DUSP5: variants seen among roughly 807,000 people sequenced by gnomAD.
The protein encoded by DUSP5 is dual specificity protein phosphatase 5.
In DUSP5, 22 loss-of-function variants were observed where a neutral mutation model predicts 33.6. The ratio of observed to expected loss-of-function variants is 0.66; its 90% confidence interval spans 0.47 to 0.94. The LOEUF (loss-of-function observed/expected upper bound fraction) is 0.94, where lower values mean the gene tolerates loss of function less well. Among genes scored for constraint, DUSP5 ranks in the 40% least tolerant of loss-of-function variants. The probability of loss-of-function intolerance (pLI) is 0.00; values close to 1 mark genes in which losing one functional copy is unlikely to be tolerated. For missense variants in DUSP5, 551 were observed against 522.1 expected (o/e 1.06, Z -0.54); for synonymous variants, 270 against 231.1 (o/e 1.17, Z -1.53).
At chr10:110,505,430 T>C (rs1467721427) in intron 2 of DUSP5, among the ~76,000 whole-genome samples, 1 of 152,258 alleles carries the variant, frequency 6.6e-6, no homozygotes, top group Non-Finnish European at 1.5e-5. Flanking sequence ...ATACCAGTTG[T>C]TATTACCGTA....
intron 1 of DUSP5, among the ~76,000 whole-genome samples, chr10:110,499,526 G>GACAC (rs922904271): frequency 1.3e-5 from 2 of 152,030 alleles, no homozygotes; most frequent in Non-Finnish European, 2.9e-5. Flanking sequence ...TTGGGGATCA[G>GACAC]AGCTCGGTGC....
rs1860130272 is a variant in DUSP5, at chr10:110,507,224, C to T, written c.748+70C>T. 21 of 1,470,722 alleles carry T rather than the reference C, an allele frequency of 1.4e-5. No individual in the cohort carries two copies. In the South Asian group the frequency reaches 2.4e-4, roughly 17 times the overall value. 91.1% of individuals were successfully genotyped at this position (1,470,722 alleles called of 1,614,324 possible). A position where few individuals can be genotyped will look rare whatever the true frequency, so the allele number is the denominator to read the frequency against. On this transcript the variant is annotated intron_variant, in intron 3 of 3. Transcript: ENST00000369583. Reference sequence around the variant, plus strand: ...GGGCATGTGTTCTTGACTTTTGATGCCCTGATGGAAGCTACCTTCACTGAA... The same window carrying T: ...GGGCATGTGTTCTTGACTTTTGATGTCCTGATGGAAGCTACCTTCACTGAA...
intron 2 of DUSP5, among the ~76,000 whole-genome samples, chr10:110,504,554 G>A (rs950842053): frequency 8.5e-5 from 13 of 152,238 alleles, no homozygotes; most frequent in African/African-American, 2.9e-4. Flanking sequence ...GAGCCTGTTA[G>A]TGTCCATTGG....
intron 1 of DUSP5, 21 bp downstream of exon 1, chr10:110,498,521 C>A: frequency 1.4e-6 from 2 of 1,457,442 alleles, no homozygotes; most frequent in East Asian, 2.8e-5. Flanking sequence ...GGGGTCCCTG[C>A]CACGCTCGCC....
chr10:110,499,981 T>C (rs1564772527), intron 1 of DUSP5, among the ~76,000 whole-genome samples: 1 of 152,158 alleles, frequency 6.6e-6, no homozygotes, highest in Non-Finnish European at 1.5e-5. Context: ...TCAGGAAAAC[T>C]GGGTTAAAAT....
chr10:110,498,370 C>T lies in DUSP5; in HGVS notation c.249C>T (p.Val83=), dbSNP rs1357011563. ...ARLLQEGGGG[V]AAVVVLDQGS... is the part of the protein sequence containing the mutation. ...TCCTGCAGGAGGGCGGCGGCGGCGT[C>T]GCGGCCGTGGTGGTGCTGGACCAGG... The change falls in exon 1 of 4, where the codon GTC becomes GTT. Residue 83 remains valine (V), a synonymous_variant. Coordinates refer to ENST00000369583, the MANE Select transcript of DUSP5 (RefSeq NM_004419.4). The T allele has an allele frequency of 3.5e-6, 5 of 1,412,400 alleles. No individual in the cohort carries two copies. Among genetic ancestry groups the T allele is most frequent in the Admixed American group, 2.8e-5 (1 of 35,190 alleles). The allele number at this position is 1,412,400 out of a possible 1,614,324, so 87.5% of individuals were successfully genotyped here.
chr10:110,500,722 C>G (rs898507065), intron 1 of DUSP5, among the ~76,000 whole-genome samples: 2 of 152,198 alleles, frequency 1.3e-5, no homozygotes, highest in African/African-American at 4.8e-5. Context: ...AAAGAAGTAG[C>G]TCTAAGAATT....
Position 110,498,470 on chromosome 10 carries a change from C to A in DUSP5, c.349C>A (p.Pro117Thr). Residue 117 changes from proline to threonine, a missense_variant, in exon 1 of 4, where the codon CCC becomes ACC. Pro to Thr is a conservative substitution (Grantham distance 38). Coordinates refer to ENST00000369583, the MANE Select transcript of DUSP5 (RefSeq NM_004419.4). ...VVLTSLLACLPAGPRVYFLKG... is the reference protein window; with the variant it reads ...VVLTSLLACLTAGPRVYFLKG... The stretch of plus-strand genomic sequence containing the variant: ...CCTCACCTCGCTACTCGCTTGCCTA[C>A]CCGCCGGCCCGCGGGTCTACTTCCT... 10 of 1,543,234 alleles carry A rather than the reference C, an allele frequency of 6.5e-6. No homozygotes were observed. Among genetic ancestry groups the A allele is most frequent in the Non-Finnish European group, 8.7e-6 (10 of 1,154,084 alleles).
At chr10:110,507,197 TG>T in intron 3 of DUSP5, 43 bp downstream of exon 3, 2 of 1,581,958 alleles carry the variant, frequency 1.3e-6, no homozygotes. Context: ...GGAGCCCCTT[TG>T]GGGCATGTGT....
At chr10:110,498,564 G>T in intron 1 of DUSP5, 64 bp downstream of exon 1, 2 of 1,368,508 alleles carry the variant, frequency 1.5e-6, no homozygotes, top group Non-Finnish European at 1.9e-6. Context: ...TCCCTGCGCC[G>T]GGGCGCCCTC....
chr10:110,507,609 C>G (rs991123103), intron 3 of DUSP5, among the ~76,000 whole-genome samples: 2 of 152,212 alleles, frequency 1.3e-5, no homozygotes, highest in African/African-American at 4.8e-5. Context: ...TCTTGGTGAA[C>G]GGCTTGGGGC....
At chr10:110,499,458 C>G (rs1860011464) in intron 1 of DUSP5, among the ~76,000 whole-genome samples, 1 of 152,218 alleles carries the variant, frequency 6.6e-6, no homozygotes, top group Non-Finnish European at 1.5e-5. Flanking sequence ...GGGTTTAGCC[C>G]CAGCAGGGCC....
rs549759462 is a variant in DUSP5 at position 110,498,516 on chromosome 10, C to A, written c.379+16C>A. 1.4e-6 allele frequency: 2 copies of A among 1,475,460 alleles called. No individual in the cohort carries two copies. Among genetic ancestry groups the A allele is most frequent in the Admixed American group, 4.8e-5 (2 of 42,022 alleles). 91.4% of individuals were successfully genotyped at this position (1,475,460 alleles called of 1,614,324 possible). On this transcript the variant is annotated intron_variant, in intron 1 of 3. Transcript: ENST00000369583. ...TTCCTCAAAGGTGAGCGCTCGGGGT[C>A]CCTGCCACGCTCGCCCCTCCGGCGC... is the stretch of plus-strand genomic sequence containing the variant.
At chr10:110,506,589 A>T (rs1033504880) in intron 2 of DUSP5, among the ~76,000 whole-genome samples, 25 of 152,334 alleles carry the variant, frequency 1.6e-4, no homozygotes, top group African/African-American at 5.1e-4. Flanking sequence ...CTGTAACTTC[A>T]ACACAGGCCT....
At position 110,498,039 on chromosome 10, in the gene DUSP5, C is replaced by CGGACACCCTGGCCGT. The variant is rs909656844; in HGVS notation, c.-65_-51dup. 1.9e-5 allele frequency: 20 copies of CGGACACCCTGGCCGT among 1,042,468 alleles called. 1 individual carries two copies. In the Admixed American group the frequency reaches 5.6e-4, roughly 29 times the overall value. 64.6% of individuals were successfully genotyped at this position (1,042,468 alleles called of 1,614,324 possible). On this transcript the variant is annotated 5_prime_UTR_variant, in exon 1 of 4. Transcript: ENST00000369583. ...GGGTCGCCCTCCCGTGCCTCGCCCG[C>CGGACACCCTGGCCGT]GGACACCCTGGCCGTGGACACCCTG...
At chr10:110,503,940 G>A (rs896640333) in intron 2 of DUSP5, among the ~76,000 whole-genome samples, 1 of 152,228 alleles carries the variant, frequency 6.6e-6, no homozygotes, top group Admixed American at 6.5e-5. Flanking sequence ...TGTCCCTGGG[G>A]ATAAACTTCA....
intron 1 of DUSP5, among the ~76,000 whole-genome samples, chr10:110,502,025 G>A (rs1389787916): frequency 2.0e-5 from 3 of 152,096 alleles, no homozygotes; most frequent in Non-Finnish European, 4.4e-5. Context: ...AGAAGATAGG[G>A]TGGTCATGAA....
intron 1 of DUSP5, among the ~76,000 whole-genome samples, chr10:110,501,363 C>G (rs1860045775): frequency 6.6e-6 from 1 of 152,108 alleles, no homozygotes; most frequent in South Asian, 2.1e-4. Context: ...CAATGGGCTG[C>G]TTGTGAGGTG....
intron 1 of DUSP5, among the ~76,000 whole-genome samples, chr10:110,501,110 G>A (rs1564772734): frequency 1.3e-5 from 2 of 152,120 alleles, no homozygotes; most frequent in African/African-American, 2.4e-5. Context: ...CCATAATGTC[G>A]AGGTCCAGGC....
Sources: gnomAD v4.1 joint callset for allele counts (sites outside exome capture counted in the v4.1 genomes callset) on GRCh38, gnomAD v4.1.1 for gene constraint, MANE v1.5 for transcripts, NCBI Gene and HGNC (gene_info 2026-07-23, HGNC 2026-07-21) for gene names.